Variants in SPARCL1 observed in about 807,000 individuals in gnomAD.
SPARCL1 encodes the protein SPARC like 1.
A neutral mutation model predicts 67.1 loss-of-function variants in SPARCL1; 52 were observed. That is an observed-to-expected ratio of 0.78 (90% CI 0.62 to 0.98). The LOEUF (loss-of-function observed/expected upper bound fraction) is 0.98, where lower values mean the gene tolerates loss of function less well. Ranked by LOEUF, SPARCL1 falls within the 50% of genes least tolerant of loss-of-function variation. SPARCL1 has a pLI of 0.00. For missense variants in SPARCL1, 717 were observed against 782.4 expected, an observed-to-expected ratio of 0.92 and a Z score of 1.00; for synonymous variants, 226 against 267.8, an observed-to-expected ratio of 0.84 and a Z score of 1.52.
chr4:87,490,457 C>G, intron 6 of SPARCL1, 64 bp from the exon 7 acceptor site: 1 of 1,541,206 alleles, frequency 6.5e-7, no homozygotes. Flanking sequence ...ACACTCTGCT[C>G]CTTAAAGCTC....
At chr4:87,480,820 C>CCTTTTTTTTTTTTTTTTTTTTTTTTTT (rs59503255) in intron 8 of SPARCL1, among the ~76,000 whole-genome samples, 2 of 133,384 alleles carry the variant, frequency 1.5e-5, no homozygotes, top group Non-Finnish European at 1.7e-5. Context: ...ATGTTCGCTG[C>CCTTTTTTTTTTTTTTTTTTTTTTTTTT]TTTTTTTTTT....
chr4:87,507,422 T>A (rs1233025847), intron 1 of SPARCL1, among the ~76,000 whole-genome samples: 2 of 151,578 alleles, frequency 1.3e-5, no homozygotes, highest in Non-Finnish European at 2.9e-5. Flanking sequence ...AAGGAAAGAA[T>A]GTCCAGTTGG....
chr4:87,521,609 C>A (rs995767666), intron 1 of SPARCL1, among the ~76,000 whole-genome samples: 2 of 152,128 alleles, frequency 1.3e-5, no homozygotes, highest in East Asian at 3.8e-4. Flanking sequence ...CTCTTCCTTC[C>A]CTTCTGGGCC....
intron 1 of SPARCL1, among the ~76,000 whole-genome samples, chr4:87,505,365 A>T (rs1380599296): frequency 6.6e-6 from 1 of 152,110 alleles, no homozygotes; most frequent in African/African-American, 2.4e-5. Flanking sequence ...TGCTTAAAGT[A>T]AATATGTGGA....
intron 8 of SPARCL1, 89 bp from the exon 9 acceptor site, chr4:87,480,609 G>T: frequency 7.9e-7 from 1 of 1,268,842 alleles, no homozygotes; most frequent in Non-Finnish European, 1.1e-6. Flanking sequence ...AAGAGTGACA[G>T]TAACACGATA....
chr4:87,474,743 C>CTTTTTTTTTTTTTTTT (rs11397474), intron 10 of SPARCL1, among the ~76,000 whole-genome samples: 1 of 130,712 alleles, frequency 7.7e-6, no homozygotes, highest in African/African-American at 3.0e-5. Flanking sequence ...CTCTCTCTCT[C>CTTTTTTTTTTTTTTTT]TTTTTTTTTT....
At chr4:87,478,863 C>T (rs1474685362) in intron 10 of SPARCL1, among the ~76,000 whole-genome samples, 1 of 152,144 alleles carries the variant, frequency 6.6e-6, no homozygotes, top group African/African-American at 2.4e-5. Flanking sequence ...TCCTCCACTG[C>T]AGGAGTAAAG....
intron 6 of SPARCL1, 32 bp downstream of exon 6, chr4:87,490,728 G>C (rs1724288130): frequency 1.5e-6 from 2 of 1,360,826 alleles, no homozygotes; most frequent in Non-Finnish European, 1.0e-6. Flanking sequence ...ACCTTTTGGA[G>C]CCACTTAAAG....
intron 10 of SPARCL1, among the ~76,000 whole-genome samples, chr4:87,475,766 A>G (rs541380501): frequency 1.3e-5 from 2 of 152,382 alleles, no homozygotes; most frequent in South Asian, 2.1e-4. Flanking sequence ...GCAGAGAAAA[A>G]GAATGCTTAG....
At chr4:87,489,999 T>C (rs1177599923) in intron 7 of SPARCL1, among the ~76,000 whole-genome samples, 1 of 152,224 alleles carries the variant, frequency 6.6e-6, no homozygotes, top group Non-Finnish European at 1.5e-5. Context: ...ATTATCATAG[T>C]GGTTCTGAGC....
At chr4:87,527,313 A>G (rs964749098) in intron 1 of SPARCL1, among the ~76,000 whole-genome samples, 18 of 152,088 alleles carry the variant, frequency 1.2e-4, no homozygotes, top group Non-Finnish European at 2.6e-4. Context: ...GGATTTATTT[A>G]TGGGGGTCTC....
chr4:87,479,585 T>C lies in SPARCL1; in HGVS notation c.1818-7A>G. 1 of 1,613,082 alleles carries C rather than the reference T, an allele frequency of 6.2e-7. No homozygotes were observed. The highest frequency in any genetic ancestry group is 8.5e-7 in the Non-Finnish European group (1 of 1,179,600). On this transcript the variant is annotated splice_polypyrimidine_tract_variant and splice_region_variant and intron_variant, in intron 9 of 10. Coordinates refer to ENST00000282470, the MANE Select transcript of SPARCL1 (RefSeq NM_004684.6). ...TTCAGAATGTGTCAAGACTCTGCAATGAAATACATGGCATCCTATTAATTG... is the reference window on the plus strand; with the variant it reads ...TTCAGAATGTGTCAAGACTCTGCAACGAAATACATGGCATCCTATTAATTG...
intron 1 of SPARCL1, among the ~76,000 whole-genome samples, chr4:87,518,208 AT>A (rs761824695): frequency 1.3e-5 from 2 of 152,136 alleles, no homozygotes; most frequent in African/African-American, 2.4e-5. Flanking sequence ...CAGAGAGAAA[AT>A]GTTAAGAAGA....
At chr4:87,524,744 T>C (rs1029241973) in intron 1 of SPARCL1, among the ~76,000 whole-genome samples, 1 of 152,218 alleles carries the variant, frequency 6.6e-6, no homozygotes, top group East Asian at 1.9e-4. Flanking sequence ...GTCTCAGTGA[T>C]TGGCTTTCTA....
intron 1 of SPARCL1, among the ~76,000 whole-genome samples, chr4:87,511,196 A>G (rs531344754): frequency 1.4e-4 from 22 of 152,342 alleles, no homozygotes; most frequent in African/African-American, 5.1e-4. Context: ...TTGCTCATTT[A>G]CCAAAACACA....
intron 1 of SPARCL1, among the ~76,000 whole-genome samples, chr4:87,514,973 C>T (rs190782120): frequency 6.6e-5 from 10 of 152,186 alleles, no homozygotes; most frequent in Non-Finnish European, 8.8e-5. Context: ...TTGAGACATT[C>T]GAGTTTGGTG....
In SPARCL1 at chr4:87,493,941, G is replaced by T. The variant is rs1724483515; in HGVS notation, c.859C>A (p.His287Asn). The T allele has an allele frequency of 6.2e-7, 1 of 1,614,052 alleles. No individual in the cohort carries two copies. The highest frequency in any genetic ancestry group is 8.5e-7 in the Non-Finnish European group (1 of 1,179,996). Reference sequence around the variant, plus strand: ...CTCTGCCATTCAGTTTCTTGAATGTGCTTATTGACGTTCGATGCATTTTCC... The same window carrying T: ...CTCTGCCATTCAGTTTCTTGAATGTTCTTATTGACGTTCGATGCATTTTCC... ...EEENASNVNK[H>N]IQETEWQSQE... The change falls in exon 4 of 11, where the codon CAC becomes AAC. Residue 287 changes from histidine (H) to asparagine (N), a missense_variant. Physicochemically the swap from His to Asn is moderately conservative, Grantham distance 68 (BLOSUM62 1). Coordinates refer to ENST00000282470, the MANE Select transcript of SPARCL1 (RefSeq NM_004684.6).
intron 1 of SPARCL1, among the ~76,000 whole-genome samples, chr4:87,507,732 G>T (rs1160616498): frequency 6.6e-6 from 1 of 152,196 alleles, no homozygotes; most frequent in Admixed American, 6.5e-5. Flanking sequence ...AGATCCCATA[G>T]GTTGAGGGCT....
intron 2 of SPARCL1, among the ~76,000 whole-genome samples, chr4:87,497,996 C>T (rs1042816629): frequency 2.6e-5 from 4 of 152,160 alleles, no homozygotes; most frequent in Non-Finnish European, 5.9e-5. Context: ...TGGGCTCAAG[C>T]GATCCTCTGG....
Sources: gnomAD v4.1 joint callset for allele counts (sites outside exome capture counted in the v4.1 genomes callset) on GRCh38, gnomAD v4.1.1 for gene constraint, MANE v1.5 for transcripts, NCBI Gene and HGNC (gene_info 2026-07-23, HGNC 2026-07-21) for gene names.